NTSR1: variants seen among roughly 807,000 people sequenced by gnomAD.
NTSR1 encodes neurotensin receptor 1.
A neutral mutation model predicts 31.2 loss-of-function variants in NTSR1; 29 were observed. That is an observed-to-expected ratio of 0.93 (90% CI 0.69 to 1.27). The LOEUF (loss-of-function observed/expected upper bound fraction) is 1.27. NTSR1 is among the 50% of genes most tolerant of loss of function. NTSR1 has a pLI of 0.00. For synonymous variants in NTSR1, 282 were observed against 269.9 expected, an observed-to-expected ratio of 1.04 and a Z score of -0.44; for missense variants, 697 against 595.4, an observed-to-expected ratio of 1.17 and a Z score of -1.78.
At chr20:62,734,203 A>G (rs1386521136) in intron 1 of NTSR1, among the ~76,000 whole-genome samples, 2 of 151,490 alleles carry the variant, frequency 1.3e-5, no homozygotes, top group Non-Finnish European at 2.9e-5. Flanking sequence ...CTGGTGGGGG[A>G]CGGGCAAGAG....
chr20:62,726,134 G>A (rs775034868), intron 1 of NTSR1, among the ~76,000 whole-genome samples: 2 of 152,156 alleles, frequency 1.3e-5, no homozygotes, highest in Non-Finnish European at 2.9e-5. Context: ...AGCCCGAGGG[G>A]TGAGCAGCCC....
intron 1 of NTSR1, among the ~76,000 whole-genome samples, chr20:62,739,509 A>G (rs1305467843): frequency 6.6e-6 from 1 of 152,230 alleles, no homozygotes; most frequent in Non-Finnish European, 1.5e-5. Flanking sequence ...TCACTGAGTC[A>G]GTCCCTCCCA....
Position 62,714,122 on chromosome 20 carries a change from C to T in NTSR1, c.714+4201C>T, listed in dbSNP as rs1988668808. 1.3e-5 allele frequency among the ~76,000 whole-genome samples: 2 copies of T among 152,204 alleles called. No individual in the cohort carries two copies. The highest frequency in any genetic ancestry group is 2.9e-5 in the Non-Finnish European group (2 of 68,036). On this transcript the variant is annotated intron_variant, in intron 1 of 3. Transcript: ENST00000370501. The surrounding 1 kb of genome is among the most constrained non-coding windows in gnomAD (Gnocchi z 4.1). ...AAAAAAAGTTGCAGAAGAAGTTCTT[C>T]AAGGGGTCCTTAGGAACAGCCTGCT...
At position 62,742,845 on chromosome 20, in the gene NTSR1, A is replaced by G. The variant is rs1989228400; in HGVS notation, c.715-11840A>G. Among the ~76,000 whole-genome samples, 1 of 149,108 alleles carries G rather than the reference A, an allele frequency of 6.7e-6. No individual in the cohort carries two copies. The highest frequency in any genetic ancestry group is 1.5e-5 in the Non-Finnish European group (1 of 67,940). On this transcript the variant is annotated intron_variant, in intron 1 of 3. Transcript: ENST00000370501. This position sits in a 1 kb window ranked among gnomAD's most constrained non-coding sequence, Gnocchi z 7.1. Reference sequence around the variant, plus strand: ...CCAGGGTTCCCATCCCTCTCCCCGCAGTGTTTCCCCAGTTCCAGGGCTGTG... The same window carrying G: ...CCAGGGTTCCCATCCCTCTCCCCGCGGTGTTTCCCCAGTTCCAGGGCTGTG...
chr20:62,736,016 T>C (rs1423936429), intron 1 of NTSR1, among the ~76,000 whole-genome samples: 1 of 152,246 alleles, frequency 6.6e-6, no homozygotes, highest in Admixed American at 6.5e-5. Flanking sequence ...AGCCCAGTAA[T>C]TCCCGTTTAA....
Position 62,709,570 on chromosome 20 carries a change from C to A in NTSR1, c.363C>A (p.Pro121=). 1 of 1,611,768 alleles carries A rather than the reference C, an allele frequency of 6.2e-7. No individual in the cohort carries two copies. The highest frequency in any genetic ancestry group is 8.5e-7 in the Non-Finnish European group (1 of 1,179,888). Residue 121 remains proline, a synonymous_variant, in exon 1 of 4, where the codon CCC becomes CCA. Transcript: ENST00000370501. The part of the protein sequence containing the change: ...SDLLTLLLAM[P]VELYNFIWVH... Reference sequence around the variant, plus strand: ...TGCTCACCCTGCTGCTGGCCATGCCCGTGGAGCTGTACAACTTCATCTGGG... The same window carrying A: ...TGCTCACCCTGCTGCTGGCCATGCCAGTGGAGCTGTACAACTTCATCTGGG...
chr20:62,711,961 C>A lies in NTSR1; in HGVS notation c.714+2040C>A, dbSNP rs1262542381. On this transcript the variant is annotated intron_variant, in intron 1 of 3. Transcript: ENST00000370501. This position sits in a 1 kb window ranked among gnomAD's most constrained non-coding sequence, Gnocchi z 6.4. ...CCCTGCAGACGCCATGCTGGCCGAG[C>A]GTTGCTGAAGGCACCCTTGGAGAAC... 2.0e-5 allele frequency among the ~76,000 whole-genome samples: 3 copies of A among 152,196 alleles called. No individual in the cohort carries two copies. The highest frequency in any genetic ancestry group is 2.9e-5 in the Non-Finnish European group (2 of 68,034).
rs117843518 is a variant in NTSR1 at position 62,748,734 on chromosome 20, A to G, written c.715-5951A>G. 5.1e-3 allele frequency among the ~76,000 whole-genome samples: 780 copies of G among 152,298 alleles called. 8 individuals carry two copies. Among genetic ancestry groups the G allele is most frequent in the Middle Eastern group, 0.01 (3 of 294 alleles). On this transcript the variant is annotated intron_variant, in intron 1 of 3. Coordinates refer to ENST00000370501, the MANE Select transcript of NTSR1 (RefSeq NM_002531.3). ...TGAGAGGTAGAGCCTTTCAGAGGTGATGGGATCTGTGAGGACTGGACCCTC... is the reference window on the plus strand; with the variant it reads ...TGAGAGGTAGAGCCTTTCAGAGGTGGTGGGATCTGTGAGGACTGGACCCTC...
Position 62,709,277 on chromosome 20 carries a change from G to GC in NTSR1, c.72dup (p.Gly25ArgfsTer308), listed in dbSNP as rs1428365792. On this transcript the variant is annotated frameshift_variant, in exon 1 of 4. Transcript: ENST00000370501. LOFTEE classifies it high-confidence loss of function. ...CGCCGACCCCTTCCAGCGGGCGCAG[G>GC]CCGGACTGGAGGAGGCGCTGCTGGC... 7.6e-6 allele frequency: 12 copies of GC among 1,574,644 alleles called. No individual in the cohort carries two copies. Among genetic ancestry groups the GC allele is most frequent in the Non-Finnish European group, 1.0e-5 (12 of 1,165,720 alleles).
At chr20:62,722,717 C>T (rs1026988934) in intron 1 of NTSR1, among the ~76,000 whole-genome samples, 3 of 152,236 alleles carry the variant, frequency 2.0e-5, no homozygotes, top group African/African-American at 7.2e-5. Context: ...TGTGAGTATC[C>T]ATGCCCTTAG....
At chr20:62,750,440 C>T (rs1989373468) in intron 1 of NTSR1, among the ~76,000 whole-genome samples, 1 of 152,114 alleles carries the variant, frequency 6.6e-6, no homozygotes, top group Non-Finnish European at 1.5e-5. Flanking sequence ...CCTGTAATCC[C>T]AGCACTTTGG....
intron 1 of NTSR1, among the ~76,000 whole-genome samples, chr20:62,731,767 C>A (rs1263347044): frequency 1.3e-5 from 2 of 152,208 alleles, no homozygotes; most frequent in African/African-American, 4.8e-5. Context: ...ATGTGTCCGT[C>A]CACTTCTGGG....
chr20:62,709,639 CTACT>C lies in NTSR1; in HGVS notation c.434_437del (p.Tyr145SerfsTer17), dbSNP rs761232883. ...TCGGCGACGCCGGCTGCCGCGGCTA[CTACT>C]TCCTGCGCGACGCCTGCACCTACGC... On this transcript the variant is annotated frameshift_variant, in exon 1 of 4. Transcript: ENST00000370501. LOFTEE classifies it high-confidence loss of function. The C allele has an allele frequency of 6.2e-7, 1 of 1,612,328 alleles. No homozygotes were observed. The highest frequency in any genetic ancestry group is 8.5e-7 in the Non-Finnish European group (1 of 1,179,924).
rs540541905 is a variant in NTSR1 at position 62,724,887 on chromosome 20, CT to C, written c.714+14967del. Among the ~76,000 whole-genome samples, 328 of 152,348 alleles carry C rather than the reference CT, an allele frequency of 2.2e-3. 2 individuals carry two copies. The highest frequency in any genetic ancestry group is 7.6e-3 in the African/African-American group (317 of 41,574). The stretch of plus-strand genomic sequence containing the variant: ...GCTTCTGTCTCCACGTGGCTTCCCC[CT>C]GTGCGTCTCTGTGTCATCTAAGGAT... On this transcript the variant is annotated intron_variant, in intron 1 of 3. Transcript: ENST00000370501.
At position 62,754,901 on chromosome 20, in the gene NTSR1, G is replaced by A. The variant is rs1282095821; in HGVS notation, c.916+15G>A. ...GCGCGTCCTACGTACGTAACCTCTG[G>A]GCCCTCCAGGGGCGGGAGGCAGGCC... On this transcript the variant is annotated intron_variant, in intron 2 of 3. Coordinates refer to ENST00000370501, the MANE Select transcript of NTSR1 (RefSeq NM_002531.3). 6.3e-7 allele frequency: 1 copy of A among 1,577,080 alleles called. No homozygotes were observed. Among genetic ancestry groups the A allele is most frequent in the Non-Finnish European group, 8.6e-7 (1 of 1,164,980 alleles).
At position 62,709,458 on chromosome 20, in the gene NTSR1, C is replaced by T. The variant is rs766108856; in HGVS notation, c.251C>T (p.Thr84Met). The T allele has an allele frequency of 1.9e-6, 3 of 1,612,540 alleles. No homozygotes were observed. Among genetic ancestry groups the T allele is most frequent in the South Asian group, 2.2e-5 (2 of 91,058 alleles). ...FVVGTVGNTV[T>M]AFTLARKKSL... ...GTGGGCACGGTGGGCAACACGGTGA[C>T]GGCGTTCACGCTGGCGCGGAAGAAG... The change falls in exon 1 of 4, where the codon ACG becomes ATG. Residue 84 changes from threonine to methionine, a missense_variant. Physicochemically the swap from Thr to Met is moderately conservative, Grantham distance 81. Transcript: ENST00000370501.
chr20:62,750,815 G>C (rs188942269), intron 1 of NTSR1, among the ~76,000 whole-genome samples: 6 of 151,866 alleles, frequency 4.0e-5, no homozygotes, highest in Non-Finnish European at 7.4e-5. Context: ...TCATTAGCTC[G>C]ATGGCGGTGA....
chr20:62,752,079 C>G (rs1209217604), intron 1 of NTSR1, among the ~76,000 whole-genome samples: 1 of 152,204 alleles, frequency 6.6e-6, no homozygotes, highest in African/African-American at 2.4e-5. Flanking sequence ...ACTGTAGAGT[C>G]CATGTGTCTA....
chr20:62,712,874 G>A (rs1988643469), intron 1 of NTSR1, among the ~76,000 whole-genome samples: 1 of 152,238 alleles, frequency 6.6e-6, no homozygotes, highest in South Asian at 2.1e-4. Flanking sequence ...GTGTGGCAGG[G>A]CTCAGGGCTG....
Sources: allele counts gnomAD v4.1 joint callset (sites outside exome capture counted in the v4.1 genomes callset), GRCh38; gene constraint gnomAD v4.1.1; non-coding constraint Gnocchi (gnomAD v3.1); transcripts MANE v1.5; gene names NCBI Gene and HGNC (gene_info 2026-07-23, HGNC 2026-07-21).